CLBA1: variants seen among roughly 807,000 people sequenced by gnomAD.
CLBA1 encodes the protein uncharacterized protein CLBA1.
A neutral mutation model predicts 28.8 loss-of-function variants in CLBA1; 30 were observed. The observed-to-expected ratio is 1.04, with a 90% CI of 0.78 to 1.41. The LOEUF is 1.41. CLBA1 is among the 40% of genes most tolerant of loss of function. The pLI is 0.00. For missense variants in CLBA1, 451 were observed against 412.3 expected (o/e 1.09, Z -0.81); for synonymous variants, 160 against 152.8 (o/e 1.05, Z -0.35).
At chr14:104,997,437 A>G (rs1900174781), downstream of CLBA1, among the ~76,000 whole-genome samples, 1 of 152,214 alleles carries the variant, frequency 6.6e-6, no homozygotes, top group Non-Finnish European at 1.5e-5. Context: ...TAAAGAAGAA[A>G]TATTCCAAGA....
chr14:104,987,936 C>T (rs1001356938), intron 1 of CLBA1, among the ~76,000 whole-genome samples: 9 of 151,868 alleles, frequency 5.9e-5, no homozygotes, highest in African/African-American at 1.9e-4. Context: ...CATGCCCGGC[C>T]GGACTGTTTT....
chr14:104,986,241 TGTGTCA>T lies in CLBA1; in HGVS notation c.-188_-183del. ...GGGCGACCGGGCCATTCCTGTGGTT[TGTGTCA>T]GTTCCACAGCAGCACGTGGGCACTT... On this transcript the variant is annotated 5_prime_UTR_variant, in exon 1 of 5. Coordinates refer to ENST00000547315, the MANE Select transcript of CLBA1 (RefSeq NM_174891.4). 1.6e-6 allele frequency: 1 copy of T among 627,036 alleles called. No homozygotes were observed. Among genetic ancestry groups the T allele is most frequent in the Non-Finnish European group, 2.8e-6 (1 of 362,384 alleles). 38.8% of individuals were successfully genotyped at this position (627,036 alleles called of 1,614,324 possible). A position where few individuals can be genotyped will look rare whatever the true frequency, so the allele number is the denominator to read the frequency against.
chr14:104,992,215 A>C (rs2140898098), intron 3 of CLBA1, among the ~76,000 whole-genome samples: 1 of 148,426 alleles, frequency 6.7e-6, no homozygotes, highest in Admixed American at 6.7e-5. Context: ...GCCACCACTC[A>C]CATGCCGCCA....
At chr14:104,993,199 C>G in intron 4 of CLBA1, 135 bp downstream of exon 4, 1 of 1,507,026 alleles carries the variant, frequency 6.6e-7, no homozygotes, top group South Asian at 1.3e-5. Context: ...AGAAAACAAA[C>G]ATTTGTGCTA....
chr14:104,997,600 A>G (rs1235588632), downstream of CLBA1, among the ~76,000 whole-genome samples: 1 of 152,254 alleles, frequency 6.6e-6, no homozygotes. Context: ...GGAGATTCAT[A>G]TAGAGAAGCA....
downstream of CLBA1, among the ~76,000 whole-genome samples, chr14:104,997,186 A>G (rs1900170363): frequency 2.0e-5 from 3 of 152,212 alleles, no homozygotes; most frequent in Admixed American, 2.0e-4. Context: ...GGGACACTTC[A>G]GTAAAAGACA....
At chr14:104,991,811 C>CA (rs1900031218) in intron 3 of CLBA1, among the ~76,000 whole-genome samples, 191 bp downstream of exon 3, 1 of 152,298 alleles carries the variant, frequency 6.6e-6, no homozygotes, top group Admixed American at 6.5e-5. Flanking sequence ...CAGGAGCCAG[C>CA]AAAGCCTAGA....
downstream of CLBA1, among the ~76,000 whole-genome samples, chr14:104,998,960 C>T (rs1007535141): frequency 6.6e-6 from 1 of 152,252 alleles, no homozygotes; most frequent in Non-Finnish European, 1.5e-5. Flanking sequence ...CAGCTACTGC[C>T]GCTTCCCAGC....
At chr14:104,993,919 G>C (rs527664895) in intron 4 of CLBA1, 1 of 985,444 alleles carries the variant, frequency 1.0e-6, no homozygotes, top group African/African-American at 1.7e-5. Context: ...ACTGAGCTGG[G>C]ACAGCAGGAA....
intron 1 of CLBA1, 145 bp from the exon 2 acceptor site, chr14:104,988,798 A>G (rs954663842): frequency 1.1e-6 from 1 of 872,604 alleles, no homozygotes. Flanking sequence ...GGTGATTTTT[A>G]GGAATGAATA....
chr14:104,999,265 C>A, downstream of CLBA1: 1 of 982,742 alleles, frequency 1.0e-6, no homozygotes. Context: ...AGTGACACTG[C>A]AAAGCCCTCA....
downstream of CLBA1, among the ~76,000 whole-genome samples, chr14:104,995,743 C>T (rs1026034226): frequency 6.6e-6 from 1 of 152,248 alleles, no homozygotes; most frequent in Non-Finnish European, 1.5e-5. Flanking sequence ...TGCACAAACC[C>T]TGGCCTCGGC....
chr14:104,998,433 T>G, downstream of CLBA1, among the ~76,000 whole-genome samples: 1 of 151,860 alleles, frequency 6.6e-6, no homozygotes, highest in South Asian at 2.1e-4. Flanking sequence ...AAAAAAGAAT[T>G]AAGTAGTAAA....
intron 1 of CLBA1, among the ~76,000 whole-genome samples, chr14:104,987,131 C>G (rs540418295): frequency 1.3e-5 from 2 of 152,390 alleles, no homozygotes; most frequent in East Asian, 3.9e-4. Context: ...ATTCCTCCCC[C>G]AGCCTGTCCA....
rs757377749 is a variant in CLBA1, at chr14:104,993,050, C to T, written c.802C>T (p.Leu268=). ...SSFCLQHCKA[L]IQTKLSGPPG... is the part of the protein sequence containing the mutation. ...CTTCTGTCTCCAGCATTGCAAAGCCCTGATCCAGACCAAGGTGAGTGGTCA... is the reference window on the plus strand; with the variant it reads ...CTTCTGTCTCCAGCATTGCAAAGCCTTGATCCAGACCAAGGTGAGTGGTCA... Residue 268 remains leucine, a synonymous_variant, in exon 4 of 5, where the codon CTG becomes TTG. Transcript: ENST00000547315. 1.9e-6 allele frequency: 3 copies of T among 1,613,884 alleles called. No individual in the cohort carries two copies. The highest frequency in any genetic ancestry group is 2.5e-6 in the Non-Finnish European group (3 of 1,179,936).
chr14:104,994,774 T>A lies in CLBA1; in HGVS notation c.*15T>A. 1 of 1,586,646 alleles carries A rather than the reference T, an allele frequency of 6.3e-7. No individual in the cohort carries two copies. Among genetic ancestry groups the A allele is most frequent in the Non-Finnish European group, 8.6e-7 (1 of 1,165,838 alleles). On this transcript the variant is annotated 3_prime_UTR_variant, in exon 5 of 5. Transcript: ENST00000547315. ...ACGTTTGCTAAAATCAGGAGGACTTTGTACCTTTATGAGGAATTTTTCATT... is the reference window on the plus strand; with the variant it reads ...ACGTTTGCTAAAATCAGGAGGACTTAGTACCTTTATGAGGAATTTTTCATT...
Position 104,986,453 on chromosome 14 carries a change from G to A in CLBA1, c.22G>A (p.Gly8Arg), listed in dbSNP as rs773962698. MQGRREL[G>R]GEPLSDLQEE... ...CAAGATGCAAGGCCGGCGGGAGCTG[G>A]GGGGAGAGCCTTTGAGTGACCTCCA... Residue 8 changes from glycine (G) to arginine (R), a missense_variant, in exon 1 of 5, where the codon GGG (glycine) becomes AGG (arginine). Transcript: ENST00000547315. 1.2e-6 allele frequency: 2 copies of A among 1,612,862 alleles called. No individual in the cohort carries two copies. The highest frequency in any genetic ancestry group is 1.7e-6 in the Non-Finnish European group (2 of 1,179,950).
intron 1 of CLBA1, among the ~76,000 whole-genome samples, chr14:104,988,673 C>T (rs930480187): frequency 6.6e-6 from 1 of 152,174 alleles, no homozygotes; most frequent in Non-Finnish European, 1.5e-5. Flanking sequence ...TGGAAAACAG[C>T]ACTGACATTA....
At chr14:104,997,629 C>T (rs142214609), downstream of CLBA1, among the ~76,000 whole-genome samples, 9 of 152,318 alleles carry the variant, frequency 5.9e-5, no homozygotes, top group East Asian at 1.3e-3. Context: ...AACAATGGCT[C>T]ACTTCCCACC....
Sources: gnomAD v4.1 joint callset for allele counts (sites outside exome capture counted in the v4.1 genomes callset) on GRCh38, gnomAD v4.1.1 for gene constraint, MANE v1.5 for transcripts, NCBI Gene and HGNC (gene_info 2026-07-23, HGNC 2026-07-21) for gene names.